The following FRY variants were observed in gnomAD, a reference collection of about 807,000 sequenced individuals.
FRY encodes the protein protein furry homolog.
Under a neutral mutation model 348.4 loss-of-function variants are expected in FRY, and 128 were observed. The observed-to-expected ratio is 0.37, with a 90% CI of 0.32 to 0.43. FRY has a LOEUF of 0.43. Among genes scored for constraint, FRY ranks in the 20% least tolerant of loss-of-function variants. The pLI is 1.00. For synonymous variants in FRY, 1,370 were observed against 1,374.7 expected (o/e 1.00, Z 0.08); for missense variants, 2,736 against 3,695.2 (o/e 0.74, Z 6.73).
rs561416659 is a variant in FRY, at chr13:32,112,025, G to A, written c.325-5309G>A. ...AAAAGGCTTTGTATTTACATCTGCT[G>A]GAGTCAGAAAAGAATGGGAACACAA... On this transcript the variant is annotated intron_variant, in intron 3 of 60. Coordinates refer to ENST00000542859, the MANE Select transcript of FRY (RefSeq NM_023037.3). 4.6e-5 allele frequency among the ~76,000 whole-genome samples: 7 copies of A among 152,288 alleles called. No homozygotes were observed. The South Asian group carries it at 1.4e-3, about 32-fold the overall frequency.
At chr13:32,227,540 C>T (rs1433175033) in intron 39 of FRY, among the ~76,000 whole-genome samples, 1 of 152,134 alleles carries the variant, frequency 6.6e-6, no homozygotes, top group Non-Finnish European at 1.5e-5. Context: ...CCACAGCCTA[C>T]CCAGAGGTAT....
chr13:32,196,852 G>A (rs1293120313), intron 29 of FRY, among the ~76,000 whole-genome samples: 1 of 152,142 alleles, frequency 6.6e-6, no homozygotes, highest in Non-Finnish European at 1.5e-5. Context: ...TTGCTTACTT[G>A]TTAGGCAGCT....
chr13:32,126,926 A>G (rs1001437996), intron 7 of FRY, among the ~76,000 whole-genome samples: 1 of 152,200 alleles, frequency 6.6e-6, no homozygotes, highest in African/African-American at 2.4e-5. Flanking sequence ...AATGCTTATT[A>G]AATATTTTCC....
chr13:32,180,879 G>T (rs1882664659), intron 23 of FRY, among the ~76,000 whole-genome samples: 1 of 151,940 alleles, frequency 6.6e-6, no homozygotes, highest in East Asian at 1.9e-4. Flanking sequence ...GTTAGAGTCA[G>T]ATTTTATTCT....
chr13:32,281,956 C>T (rs183141969), intron 58 of FRY, among the ~76,000 whole-genome samples: 1 of 152,174 alleles, frequency 6.6e-6, no homozygotes. Flanking sequence ...AGGCACCATG[C>T]AGAGTACACA....
At chr13:32,228,127 G>C (rs1885696035) in intron 39 of FRY, among the ~76,000 whole-genome samples, 1 of 152,194 alleles carries the variant, frequency 6.6e-6, no homozygotes, top group Non-Finnish European at 1.5e-5. Flanking sequence ...TGTTACAGTT[G>C]AACTGGTTGT....
At chr13:32,143,908 A>C (rs1294686664) in intron 11 of FRY, among the ~76,000 whole-genome samples, 2 of 152,194 alleles carry the variant, frequency 1.3e-5, no homozygotes, top group Non-Finnish European at 2.9e-5. Flanking sequence ...CATTTCACAG[A>C]CAGGGAAAAT....
intron 51 of FRY, among the ~76,000 whole-genome samples, chr13:32,258,297 GT>G (rs1213021245): frequency 1.3e-5 from 2 of 152,150 alleles, no homozygotes; most frequent in African/African-American, 4.8e-5. Flanking sequence ...AACTGGATGG[GT>G]TTTATTGTTA....
intron 10 of FRY, among the ~76,000 whole-genome samples, chr13:32,136,130 C>T (rs1055116984): frequency 6.6e-6 from 1 of 152,010 alleles, no homozygotes; most frequent in Non-Finnish European, 1.5e-5. Context: ...ATTTTTATTT[C>T]ATGGCCCTTG....
chr13:32,140,845 T>C (rs1053451040), intron 11 of FRY, among the ~76,000 whole-genome samples: 6 of 152,204 alleles, frequency 3.9e-5, no homozygotes, highest in Admixed American at 1.3e-4. Flanking sequence ...ATAGTAAGTT[T>C]ATTAATGTTA....
At chr13:32,158,757 A>C (rs1167625667) in intron 16 of FRY, among the ~76,000 whole-genome samples, 1 of 151,898 alleles carries the variant, frequency 6.6e-6, no homozygotes. Flanking sequence ...ATCTTTACTA[A>C]TAATACAAAA....
At chr13:32,273,885 A>C (rs935420741) in intron 55 of FRY, among the ~76,000 whole-genome samples, 2 of 152,228 alleles carry the variant, frequency 1.3e-5, no homozygotes, top group African/African-American at 4.8e-5. Context: ...AAGATTATAC[A>C]GGCTGAGCAT....
Position 32,239,159 on chromosome 13 carries a change from A to G in FRY, c.6419-93A>G, listed in dbSNP as rs941055177. 1.5e-4 allele frequency: 122 copies of G among 832,510 alleles called. No individual in the cohort carries two copies. The highest frequency in any genetic ancestry group is 2.3e-4 in the Non-Finnish European group (109 of 476,720). 51.6% of individuals were successfully genotyped at this position (832,510 alleles called of 1,614,324 possible). A position where few individuals can be genotyped will look rare whatever the true frequency, so the allele number is the denominator to read the frequency against. ...TGATTCAAAAAACTGCTTTTGCATC[A>G]CCTCAGTATAAAAATCTGTAACATG... On this transcript the variant is annotated intron_variant, in intron 44 of 60. Transcript: ENST00000542859. The surrounding 1 kb of genome is among the most constrained non-coding windows in gnomAD (Gnocchi z 4.3).
At chr13:32,065,431 G>C (rs909068947) in intron 1 of FRY, among the ~76,000 whole-genome samples, 1 of 150,654 alleles carries the variant, frequency 6.6e-6, no homozygotes, top group African/African-American at 2.4e-5. Context: ...TCAGCCTCCT[G>C]AGTAGCTGGG....
chr13:32,202,833 C>T (rs1274985097), intron 31 of FRY, among the ~76,000 whole-genome samples: 1 of 151,732 alleles, frequency 6.6e-6, no homozygotes, highest in Non-Finnish European at 1.5e-5. Context: ...GCCTGTAATC[C>T]CAGCTACTTA....
At chr13:32,074,701 T>C (rs1276094615) in intron 1 of FRY, among the ~76,000 whole-genome samples, 1 of 152,108 alleles carries the variant, frequency 6.6e-6, no homozygotes, top group African/African-American at 2.4e-5. Context: ...TGCAAAAAAT[T>C]TTAATGGGGG....
chr13:32,110,185 G>A (rs2138666588), intron 3 of FRY, among the ~76,000 whole-genome samples: 1 of 152,286 alleles, frequency 6.6e-6, no homozygotes, highest in Admixed American at 6.5e-5. Flanking sequence ...TATAGTGGCT[G>A]ATTATGATTG....
intron 14 of FRY, among the ~76,000 whole-genome samples, chr13:32,153,706 T>TA (rs1277040029): frequency 1.3e-5 from 2 of 152,066 alleles, no homozygotes; most frequent in Non-Finnish European, 2.9e-5. Flanking sequence ...ACCTGATTTT[T>TA]AAAAAAATAG....
intron 58 of FRY, among the ~76,000 whole-genome samples, 197 bp from the exon 59 acceptor site, chr13:32,289,436 A>G (rs141138785): frequency 2.1e-4 from 32 of 152,302 alleles, no homozygotes; most frequent in Middle Eastern, 3.4e-3. Context: ...TACACAAACT[A>G]TAATGGAAAT....
Sources: allele counts gnomAD v4.1 joint callset (sites outside exome capture counted in the v4.1 genomes callset), GRCh38; gene constraint gnomAD v4.1.1; non-coding constraint Gnocchi (gnomAD v3.1); transcripts MANE v1.5; gene names NCBI Gene and HGNC (gene_info 2026-07-23, HGNC 2026-07-21).